PPM1B: variants seen among roughly 807,000 people sequenced by gnomAD.
PPM1B encodes the protein protein phosphatase 1B.
In PPM1B, 22 loss-of-function variants were observed where a neutral mutation model predicts 43.0. That is an observed-to-expected ratio of 0.51 (90% CI 0.37 to 0.73). PPM1B has a LOEUF of 0.73. Ranked by LOEUF, PPM1B falls within the 30% of genes least tolerant of loss-of-function variation. PPM1B has a pLI of 0.00. For synonymous variants in PPM1B, 217 were observed against 197.9 expected (o/e 1.10, Z -0.81); for missense variants, 632 against 584.2 (o/e 1.08, Z -0.84).
At chr2:44,200,052 T>C (rs1337883172) in intron 1 of PPM1B, among the ~76,000 whole-genome samples, 1 of 152,196 alleles carries the variant, frequency 6.6e-6, no homozygotes, top group African/African-American at 2.4e-5. Context: ...CCATCTAAGA[T>C]CTATTGAAAA....
chr2:44,234,054 A>G, downstream of PPM1B: 2 of 971,950 alleles, frequency 2.1e-6, no homozygotes, highest in Non-Finnish European at 2.4e-6. Context: ...AAGAATTGAT[A>G]AAAACAGTGT....
At chr2:44,229,924 A>G in intron 5 of PPM1B, 1 of 1,337,534 alleles carries the variant, frequency 7.5e-7, no homozygotes. Context: ...ATCCGTAAAA[A>G]CTCTAAAATC....
At chr2:44,238,178 C>T (rs997470920), downstream of PPM1B, among the ~76,000 whole-genome samples, 1 of 152,062 alleles carries the variant, frequency 6.6e-6, no homozygotes, top group Non-Finnish European at 1.5e-5. Context: ...GCTGGGATTC[C>T]AGGCGTGACC....
downstream of PPM1B, chr2:44,234,126 G>A (rs776849068): frequency 8.7e-5 from 84 of 966,868 alleles, no homozygotes; most frequent in Middle Eastern, 1.1e-3. Flanking sequence ...TATATGGTTG[G>A]CATATTTCTG....
intron 1 of PPM1B, among the ~76,000 whole-genome samples, chr2:44,188,334 C>T (rs1238061230): frequency 2.6e-5 from 4 of 151,090 alleles, no homozygotes; most frequent in Non-Finnish European, 5.9e-5. Context: ...TTAGTTTTTT[C>T]CTTCTCTTCT....
chr2:44,217,335 G>A (rs1669768817), intron 3 of PPM1B, among the ~76,000 whole-genome samples: 1 of 150,934 alleles, frequency 6.6e-6, no homozygotes. Context: ...GGAGGCAGAG[G>A]TTGCAGTGAG....
intron 5 of PPM1B, among the ~76,000 whole-genome samples, chr2:44,222,886 T>C (rs934518959): frequency 1.3e-5 from 2 of 152,156 alleles, no homozygotes; most frequent in South Asian, 4.2e-4. Flanking sequence ...GCTGGAGTGC[T>C]ATGGCACCAT....
At chr2:44,194,551 G>A (rs993200533) in intron 1 of PPM1B, among the ~76,000 whole-genome samples, 2 of 152,032 alleles carry the variant, frequency 1.3e-5, no homozygotes, top group Non-Finnish European at 2.9e-5. Context: ...GTGAAACCCC[G>A]TCTCTACTAA....
chr2:44,234,747 G>C (rs1236848191), downstream of PPM1B: 1 of 265,744 alleles, frequency 3.8e-6, no homozygotes, highest in Non-Finnish European at 5.8e-6. Flanking sequence ...GGATACTATC[G>C]ATATTTACTA....
rs1375902987 is a variant in PPM1B at position 44,201,285 on chromosome 2, T to C, written c.86T>C (p.Met29Thr). ...GNGLRYGLSS[M>T]QGWRVEMEDA... ...GGTTTACGTTATGGCCTGAGCAGCA[T>C]GCAAGGATGGAGAGTGGAAATGGAA... is the stretch of plus-strand genomic sequence containing the variant. Residue 29 changes from methionine (M) to threonine (T), a missense_variant, in exon 2 of 6, where the codon ATG (methionine) becomes ACG (threonine). Coordinates refer to ENST00000282412, the MANE Select transcript of PPM1B (RefSeq NM_002706.6). This position sits in a 1 kb window ranked among gnomAD's most constrained non-coding sequence, Gnocchi z 5.4. The C allele has an allele frequency of 1.2e-6, 2 of 1,614,138 alleles. No individual in the cohort carries two copies. Among genetic ancestry groups the C allele is most frequent in the South Asian group, 1.1e-5 (1 of 91,086 alleles).
chr2:44,210,691 C>T (rs947248589), intron 3 of PPM1B, among the ~76,000 whole-genome samples: 47 of 152,072 alleles, frequency 3.1e-4, no homozygotes, highest in Non-Finnish European at 5.4e-4. Flanking sequence ...CCTTCCTTCC[C>T]TCTCCACCTC....
At chr2:44,174,981 C>G (rs1169893003) in intron 1 of PPM1B, among the ~76,000 whole-genome samples, 1 of 152,122 alleles carries the variant, frequency 6.6e-6, no homozygotes, top group Non-Finnish European at 1.5e-5. Flanking sequence ...ATGACTGGGC[C>G]TGGTGGCTCA....
chr2:44,221,366 G>T (rs1375457320), intron 5 of PPM1B, among the ~76,000 whole-genome samples: 1 of 152,152 alleles, frequency 6.6e-6, no homozygotes, highest in Non-Finnish European at 1.5e-5. Flanking sequence ...AAATACCGCA[G>T]AAGGAGAGAG....
At chr2:44,240,439 ACT>A (rs1469145016) in intron 5 of PPM1B, among the ~76,000 whole-genome samples, 1 of 144,206 alleles carries the variant, frequency 6.9e-6, no homozygotes, top group Non-Finnish European at 1.5e-5. Context: ...CAAATGGAAA[ACT>A]CTGTAATGAT....
chr2:44,242,217 T>C (rs1010326780), intron 5 of PPM1B, among the ~76,000 whole-genome samples: 3 of 152,188 alleles, frequency 2.0e-5, no homozygotes, highest in Non-Finnish European at 4.4e-5. Context: ...CAGCATTTTT[T>C]CTTAACATAT....
At chr2:44,227,236 A>G (rs991777120) in intron 5 of PPM1B, among the ~76,000 whole-genome samples, 5 of 152,230 alleles carry the variant, frequency 3.3e-5, no homozygotes, top group African/African-American at 1.2e-4. Flanking sequence ...TGGCCTCCCA[A>G]AGTGCTGGGA....
At chr2:44,211,671 A>G (rs1023230575) in intron 3 of PPM1B, among the ~76,000 whole-genome samples, 1 of 151,558 alleles carries the variant, frequency 6.6e-6, no homozygotes, top group Non-Finnish European at 1.5e-5. Context: ...AGATTTTAGC[A>G]GATAGTTTTA....
Position 44,230,503 on chromosome 2 carries a change from C to G in PPM1B, c.1225C>G (p.Gln409Glu). 1 of 1,614,102 alleles carries G rather than the reference C, an allele frequency of 6.2e-7. No homozygotes were observed. The highest frequency in any genetic ancestry group is 8.5e-7 in the Non-Finnish European group (1 of 1,180,006). Residue 409 changes from glutamine to glutamate, a missense_variant, in exon 6 of 6, where the codon CAA (glutamine) becomes GAA (glutamate). By Grantham distance (29) the Gln-to-Glu change is conservative. Transcript: ENST00000282412. The part of the protein sequence containing the change: ...MRINHRGNYR[Q>E]LLEEMLTSYR... ...AATTAATCATAGGGGAAACTACCGA[C>G]AACTTCTGGAGGAGATGCTGACTAG...
chr2:44,233,131 G>T (rs80101364), downstream of PPM1B: 4 of 976,696 alleles, frequency 4.1e-6, no homozygotes, highest in Non-Finnish European at 4.9e-6. Flanking sequence ...AATGTAAATT[G>T]TGATTTTTGT....
Sources: gnomAD v4.1 joint callset for allele counts (sites outside exome capture counted in the v4.1 genomes callset) on GRCh38, gnomAD v4.1.1 for gene constraint, Gnocchi (gnomAD v3.1) non-coding constraint, MANE v1.5 for transcripts, NCBI Gene and HGNC (gene_info 2026-07-23, HGNC 2026-07-21) for gene names.